ARHGAP29: variants seen among roughly 807,000 people sequenced by gnomAD.
ARHGAP29 encodes Rho GTPase activating protein 29.
In ARHGAP29, 43 loss-of-function variants were observed where a neutral mutation model predicts 122.6. The observed-to-expected ratio is 0.35, with a 90% CI of 0.27 to 0.45. ARHGAP29 has a LOEUF of 0.45. ARHGAP29 is among the 20% of genes least tolerant of loss of function. The pLI is 1.00. For synonymous variants in ARHGAP29, 506 were observed against 497.1 expected, an observed-to-expected ratio of 1.02 and a Z score of -0.24; for missense variants, 1,303 against 1,477.2, an observed-to-expected ratio of 0.88 and a Z score of 1.93.
chr1:94,184,032 GA>G (rs1649638682), intron 19 of ARHGAP29, 118 bp downstream of exon 19: 1 of 1,091,678 alleles, frequency 9.2e-7, no homozygotes. Flanking sequence ...TCATTAGCAA[GA>G]TACCTATACC....
rs1358820373 is a variant in ARHGAP29, at chr1:94,171,615, A to T, written c.*2254T>A. 6.6e-6 allele frequency: 1 copy of T among 152,182 alleles called. No homozygotes were observed. The highest frequency in any genetic ancestry group is 1.5e-5 in the Non-Finnish European group (1 of 68,036). The allele number at this position is 152,182 out of a possible 1,614,324, so 9.4% of individuals were successfully genotyped here. ...CAGTGCACACTGTGGATCCTCTAGAAATAGCAACCTCTTCTCAAGAGATAC... is the reference window on the plus strand; with the variant it reads ...CAGTGCACACTGTGGATCCTCTAGATATAGCAACCTCTTCTCAAGAGATAC... On this transcript the variant is annotated 3_prime_UTR_variant, in exon 23 of 23. Coordinates refer to ENST00000260526, the MANE Select transcript of ARHGAP29 (RefSeq NM_004815.4).
At chr1:94,204,390 A>G (rs1459228204) in intron 7 of ARHGAP29, among the ~76,000 whole-genome samples, 4 of 152,190 alleles carry the variant, frequency 2.6e-5, no homozygotes, top group Non-Finnish European at 4.4e-5. Context: ...ACCTCTCTGA[A>G]GGATAGGACC....
chr1:94,212,942 T>C (rs374055593), intron 3 of ARHGAP29, among the ~76,000 whole-genome samples: 12 of 152,168 alleles, frequency 7.9e-5, no homozygotes, highest in Admixed American at 1.3e-4. Flanking sequence ...TCCTATTCAA[T>C]TGACATTTTT....
chr1:94,242,849 A>G (rs1049392506), intron 1 of ARHGAP29, among the ~76,000 whole-genome samples: 1 of 152,118 alleles, frequency 6.6e-6, no homozygotes, highest in Non-Finnish European at 1.5e-5. Flanking sequence ...ACACAGATAC[A>G]TGGAAAGTAA....
At chr1:94,213,157 G>A (rs1482469328) in intron 3 of ARHGAP29, among the ~76,000 whole-genome samples, 1 of 152,010 alleles carries the variant, frequency 6.6e-6, no homozygotes, top group Non-Finnish European at 1.5e-5. Flanking sequence ...CCACTTTAAC[G>A]GTTATCAGAG....
At chr1:94,241,732 ATT>A (rs959156324), upstream of ARHGAP29, among the ~76,000 whole-genome samples, 57 of 130,328 alleles carry the variant, frequency 4.4e-4, no homozygotes, top group Non-Finnish European at 5.2e-4. Flanking sequence ...TATAATATAT[ATT>A]TATATATATA....
At chr1:94,209,187 G>T in intron 4 of ARHGAP29, 67 bp downstream of exon 4, 1 of 1,147,470 alleles carries the variant, frequency 8.7e-7, no homozygotes, top group Non-Finnish European at 1.3e-6. Context: ...TATGTTACTG[G>T]ATAATGCAAC....
At chr1:94,245,005 C>T (rs1336822251) in intron 1 of ARHGAP29, among the ~76,000 whole-genome samples, 1 of 152,090 alleles carries the variant, frequency 6.6e-6, no homozygotes, top group Non-Finnish European at 1.5e-5. Flanking sequence ...TGCTCAATAC[C>T]ATTAGTATCA....
intron 3 of ARHGAP29, among the ~76,000 whole-genome samples, chr1:94,213,923 T>G (rs1474004563): frequency 6.6e-6 from 1 of 152,198 alleles, no homozygotes; most frequent in Non-Finnish European, 1.5e-5. Flanking sequence ...AAATTAGATG[T>G]CTTTTTTCTT....
upstream of ARHGAP29, among the ~76,000 whole-genome samples, chr1:94,279,639 A>T (rs1655287822): frequency 6.6e-6 from 1 of 152,226 alleles, no homozygotes. Context: ...TTGAATGCAT[A>T]CTTATGCTTC....
intron 12 of ARHGAP29, chr1:94,190,475 T>A: frequency 6.3e-6 from 1 of 157,556 alleles, no homozygotes; most frequent in East Asian, 1.9e-4. Context: ...ATCAAAGAAC[T>A]ATTATTTAGA....
At chr1:94,310,794 GA>G in the ARHGAP29 span, among the ~76,000 whole-genome samples, 1 of 152,170 alleles carries the variant, frequency 6.6e-6, no homozygotes, top group South Asian at 2.1e-4. Flanking sequence ...GGGGGCAGGA[GA>G]GGGGGAGTCA....
At chr1:94,177,572 T>A (rs1570481703) in intron 22 of ARHGAP29, 40 bp downstream of exon 22, 1 of 1,521,408 alleles carries the variant, frequency 6.6e-7, no homozygotes. Context: ...GGTAAAATTT[T>A]AAGCCAGCAA....
At chr1:94,206,847 G>A (rs1023882956) in intron 5 of ARHGAP29, among the ~76,000 whole-genome samples, 1 of 13,274 alleles carries the variant, frequency 7.5e-5, no homozygotes, top group African/African-American at 8.6e-5. Context: ...AGTGAGCCGA[G>A]ATCACACCAC....
chr1:94,213,364 A>C (rs186274077), intron 3 of ARHGAP29, among the ~76,000 whole-genome samples: 25 of 152,030 alleles, frequency 1.6e-4, no homozygotes, highest in Non-Finnish European at 3.1e-4. Flanking sequence ...TGTATTTTTT[A>C]GTAGAGACGG....
At chr1:94,279,412 G>A (rs1192873134), upstream of ARHGAP29, among the ~76,000 whole-genome samples, 1 of 152,120 alleles carries the variant, frequency 6.6e-6, no homozygotes, top group Non-Finnish European at 1.5e-5. Context: ...CCTCTATGAG[G>A]TTTCTTCCTG....
chr1:94,235,255 T>C (rs1189949009), intron 1 of ARHGAP29, among the ~76,000 whole-genome samples: 1 of 152,194 alleles, frequency 6.6e-6, no homozygotes, highest in Non-Finnish European at 1.5e-5. Flanking sequence ...CTTTCATAAA[T>C]GAACTATGAT....
intron 3 of ARHGAP29, among the ~76,000 whole-genome samples, chr1:94,218,604 C>G (rs1222987596): frequency 2.0e-5 from 3 of 152,146 alleles, no homozygotes; most frequent in African/African-American, 7.2e-5. Flanking sequence ...ATTTCCCTAT[C>G]TAAGTAAAGT....
In ARHGAP29 at chr1:94,208,812, T is replaced by C. The variant is rs1226024333; in HGVS notation, c.510+20A>G. ...AGTTAAAAACATTAAAGACTTTGCTTTCACACAAACTTAGCTTACCTTAGT... is the reference window on the plus strand; with the variant it reads ...AGTTAAAAACATTAAAGACTTTGCTCTCACACAAACTTAGCTTACCTTAGT... On this transcript the variant is annotated intron_variant, in intron 5 of 22. Transcript: ENST00000260526. 2 of 1,610,692 alleles carry C rather than the reference T, an allele frequency of 1.2e-6. No individual in the cohort carries two copies. The highest frequency in any genetic ancestry group is 3.3e-5 in the Admixed American group (2 of 59,960).
Sources: allele counts gnomAD v4.1 joint callset (sites outside exome capture counted in the v4.1 genomes callset), GRCh38; gene constraint gnomAD v4.1.1; transcripts MANE v1.5; gene names NCBI Gene and HGNC (gene_info 2026-07-23, HGNC 2026-07-21).